CUX1: variants seen among roughly 807,000 people sequenced by gnomAD.
The protein encoded by CUX1 is cut like homeobox 1, also known as protein CASP.
A neutral mutation model predicts 158.8 loss-of-function variants in CUX1; 31 were observed. The ratio of observed to expected loss-of-function variants is 0.20; its 90% CI spans 0.15 to 0.26. The LOEUF (loss-of-function observed/expected upper bound fraction) is 0.26. Among genes scored for constraint, CUX1 ranks in the 10% least tolerant of loss-of-function variants. The pLI is 1.00. For missense variants in CUX1, 1,589 were observed against 2,014.6 expected, an observed-to-expected ratio of 0.79 and a Z score of 4.04; for synonymous variants, 879 against 862.1, an observed-to-expected ratio of 1.02 and a Z score of -0.34.
chr7:101,874,558 C>A (rs1338136214), intron 1 of CUX1, among the ~76,000 whole-genome samples: 2 of 152,178 alleles, frequency 1.3e-5, no homozygotes, highest in Non-Finnish European at 2.9e-5. Context: ...TCTTTGAATT[C>A]TCAGGACGTT....
intron 2 of CUX1, among the ~76,000 whole-genome samples, chr7:101,990,883 C>G (rs2129241536): frequency 6.6e-6 from 1 of 152,342 alleles, no homozygotes; most frequent in Non-Finnish European, 1.5e-5. Flanking sequence ...ACCTGCAACT[C>G]ACAGCGCCGC....
In CUX1 at chr7:102,108,736, T is replaced by TGTGTGTGTGTGTGTG. The variant is rs1830610289; in HGVS notation, c.531-2962_531-2961insGTGTGTGTGTGTGTG. ...GAAGCTAGAATTTACTTCATTCATT[T>TGTGTGTGTGTGTGTG]TGTGTGTGTGTGTGTGTGTGTGTGT... On this transcript the variant is annotated intron_variant, in intron 6 of 23. Transcript: ENST00000292535. Among the ~76,000 whole-genome samples, 407 of 145,036 alleles carry TGTGTGTGTGTGTGTG rather than the reference T, an allele frequency of 2.8e-3. 2 individuals are homozygous for TGTGTGTGTGTGTGTG. The highest frequency in any genetic ancestry group is 0.01 in the African/African-American group (387 of 38,242).
intron 2 of CUX1, chr7:101,932,661 A>G: frequency 4.4e-6 from 2 of 449,622 alleles, no homozygotes; most frequent in Non-Finnish European, 9.0e-6. Context: ...AGCTGCAGAC[A>G]AGTATATTTT....
At chr7:102,176,819 C>A (rs1483446556) in intron 10 of CUX1, among the ~76,000 whole-genome samples, 1 of 151,922 alleles carries the variant, frequency 6.6e-6, no homozygotes, top group Admixed American at 6.6e-5. Context: ...GTGATCCACC[C>A]ACCTCTGCCT....
chr7:102,198,840 G>A lies in CUX1; in HGVS notation c.1933G>A (p.Val645Ile). The change falls in exon 16 of 24, where the codon GTA becomes ATA. Residue 645 changes from valine (V) to isoleucine (I), a missense_variant. Around this residue, in one of 8 missense-constraint regions of CUX1, gnomAD observed 37 missense variants for 124.9 expected, o/e 0.30. Coordinates refer to ENST00000292535, the MANE Select transcript of CUX1 (RefSeq NM_181552.4). ...GAGCCTGAACAGACTATTTCAGGAA[G>A]TACCGAAACGAAGAAATGGGTCTGA... ...GQSLNRLFQEVPKRRNGSEGN... is the reference protein window; with the variant it reads ...GQSLNRLFQEIPKRRNGSEGN... 1.9e-6 allele frequency: 3 copies of A among 1,614,234 alleles called. No individual in the cohort carries two copies. Among genetic ancestry groups the A allele is most frequent in the Non-Finnish European group, 2.5e-6 (3 of 1,180,042 alleles).
At chr7:102,100,456 A>G (rs1489367227) in intron 5 of CUX1, among the ~76,000 whole-genome samples, 2 of 152,186 alleles carry the variant, frequency 1.3e-5, no homozygotes, top group Non-Finnish European at 2.9e-5. Flanking sequence ...GCATATACAC[A>G]CAGCATTTGG....
chr7:101,915,126 G>A (rs959828744), intron 1 of CUX1, among the ~76,000 whole-genome samples: 36 of 152,182 alleles, frequency 2.4e-4, no homozygotes, highest in Non-Finnish European at 1.0e-4. Flanking sequence ...AGAACGGGCC[G>A]CTGTGTGTCT....
chr7:102,105,997 G>A (rs1830303141), intron 6 of CUX1, among the ~76,000 whole-genome samples: 1 of 151,864 alleles, frequency 6.6e-6, no homozygotes, highest in Non-Finnish European at 1.5e-5. Flanking sequence ...GGGGCCAAGT[G>A]GGACTGTGGC....
Position 102,198,861 on chromosome 7 carries a change from T to C in CUX1, c.1954T>C (p.Ser652Pro), listed in dbSNP as rs782679351. Residue 652 changes from serine to proline, a missense_variant, in exon 16 of 24, where the codon TCT (serine) becomes CCT (proline). Ser to Pro is a moderately conservative substitution (Grantham distance 74). Coordinates refer to ENST00000292535, the MANE Select transcript of CUX1 (RefSeq NM_181552.4). ...FQEVPKRRNGSEGNITTRIRA... is the reference protein window; with the variant it reads ...FQEVPKRRNGPEGNITTRIRA... The stretch of plus-strand genomic sequence containing the variant: ...GGAAGTACCGAAACGAAGAAATGGG[T>C]CTGAAGGTATGTTGCAGGCAGGCGT... The C allele has an allele frequency of 3.1e-6, 5 of 1,614,092 alleles. No individual in the cohort carries two copies. In the South Asian group the frequency reaches 5.5e-5, roughly 18 times the overall value.
At chr7:101,833,632 A>G (rs1469767915) in intron 1 of CUX1, among the ~76,000 whole-genome samples, 1 of 150,428 alleles carries the variant, frequency 6.6e-6, no homozygotes, top group Non-Finnish European at 1.5e-5. Context: ...TGCGACAGTC[A>G]CCTCGGGGCG....
chr7:101,816,568 GCGCCCGCC>G (rs1304334565), upstream of CUX1, among the ~76,000 whole-genome samples: 2 of 141,298 alleles, frequency 1.4e-5, no homozygotes, highest in African/African-American at 5.1e-5. Context: ...CCCGGCGGTG[GCGCCCGCC>G]CGCCCGCTCG....
chr7:102,231,841 G>A (rs1799037060), intron 21 of CUX1, among the ~76,000 whole-genome samples: 1 of 151,570 alleles, frequency 6.6e-6, no homozygotes, highest in Non-Finnish European at 1.5e-5. Flanking sequence ...AGCCTCCTGA[G>A]TAGCTGGGAC....
At chr7:102,122,948 C>T (rs961976481) in intron 8 of CUX1, among the ~76,000 whole-genome samples, 4 of 151,962 alleles carry the variant, frequency 2.6e-5, no homozygotes, top group Admixed American at 1.3e-4. Context: ...AATAGAGAGG[C>T]AGCCGGGCAC....
At chr7:102,283,060 C>T (rs1554549861) in exon 23 of CUX1, 14 of 1,613,566 alleles carry the variant, frequency 8.7e-6, no homozygotes, top group Non-Finnish European at 1.2e-5. Context: ...AGAATGACAA[C>T]GGGGCTGCGG....
At chr7:101,958,654 A>AT (rs979383082) in intron 2 of CUX1, among the ~76,000 whole-genome samples, 56 of 149,830 alleles carry the variant, frequency 3.7e-4, no homozygotes, top group African/African-American at 1.4e-3. Flanking sequence ...CTAATTTTGT[A>AT]TTTTCAGTAG....
At chr7:101,954,529 C>G in intron 2 of CUX1, among the ~76,000 whole-genome samples, 1 of 152,354 alleles carries the variant, frequency 6.6e-6, no homozygotes, top group East Asian at 1.9e-4. Flanking sequence ...TTAAAGCTGG[C>G]TGGGCACAGT....
chr7:101,960,663 G>A (rs1810360642), intron 2 of CUX1: 1 of 152,140 alleles, frequency 6.6e-6, no homozygotes. Context: ...TCTCAAAGAG[G>A]CCTTAATATA....
At chr7:101,997,419 C>A (rs1181731413) in intron 2 of CUX1, among the ~76,000 whole-genome samples, 1 of 152,224 alleles carries the variant, frequency 6.6e-6, no homozygotes, top group African/African-American at 2.4e-5. Context: ...TCTGGGCTCA[C>A]TGCAACCTCC....
At chr7:102,132,477 C>T (rs1833403986) in intron 8 of CUX1, among the ~76,000 whole-genome samples, 1 of 151,826 alleles carries the variant, frequency 6.6e-6, no homozygotes, top group African/African-American at 2.4e-5. Context: ...TTCCCCCTTC[C>T]CTATAGTCAG....
Sources: allele counts gnomAD v4.1 joint callset (sites outside exome capture counted in the v4.1 genomes callset), GRCh38; gene constraint gnomAD v4.1.1; regional missense constraint gnomAD v4.1.1; transcripts MANE v1.5; gene names NCBI Gene and HGNC (gene_info 2026-07-23, HGNC 2026-07-21).